ATM: variants seen among roughly 807,000 people sequenced by gnomAD.
ATM encodes the protein ATM serine/threonine kinase, also known as serine-protein kinase ATM.
In ATM, 308 loss-of-function variants were observed where a neutral mutation model predicts 387.0. That is an observed-to-expected ratio of 0.80 (90% CI 0.73 to 0.87). The LOEUF is 0.87. Among genes scored for constraint, ATM ranks in the 40% least tolerant of loss-of-function variants. ATM has a pLI of 0.00. For missense variants in ATM, 3,312 were observed against 3,560.9 expected (o/e 0.93, Z 1.78); for synonymous variants, 1,156 against 1,187.3 (o/e 0.97, Z 0.54).
At chr11:108,230,890 C>T (rs1212715185) in intron 4 of ATM, 1 of 152,136 alleles carries the variant, frequency 6.6e-6, no homozygotes. Context: ...TTAATAGAGA[C>T]AGGGTTTCAC....
intron 22 of ATM, among the ~76,000 whole-genome samples, chr11:108,278,384 G>T (rs1201392798): frequency 1.3e-5 from 2 of 152,144 alleles, no homozygotes; most frequent in African/African-American, 4.8e-5. Context: ...TGAATTGAAT[G>T]TAATAAGGCG....
chr11:108,316,686 G>C (rs1424472115), intron 42 of ATM, among the ~76,000 whole-genome samples: 1 of 145,132 alleles, frequency 6.9e-6, no homozygotes, highest in Admixed American at 7.3e-5. Flanking sequence ...GAGGCGAGCA[G>C]ATCACGAGGT....
chr11:108,367,456 C>T lies in ATM; in HGVS notation c.*1948C>T, dbSNP rs941757197. ...GGTAGAAGTGGAACATTTCTCTGTC[C>T]CCCAGCTGTCATCATATAAGATAAA... On this transcript the variant is annotated 3_prime_UTR_variant, in exon 63 of 63. Transcript: ENST00000675843. 15 of 201,672 alleles carry T rather than the reference C, an allele frequency of 7.4e-5. No homozygotes were observed. The East Asian group carries it at 1.2e-3, about 16-fold the overall frequency. The allele number at this position is 201,672 out of a possible 1,614,324, so 12.5% of individuals were successfully genotyped here. A position where few individuals can be genotyped will look rare whatever the true frequency, so the allele number is the denominator to read the frequency against.
chr11:108,281,289 A>G lies in ATM; in HGVS notation c.3576+121A>G, dbSNP rs2082219332. ...AGACTAGGAAACAATTTTATTTTTT[A>G]GGTTGGGAATATTGGAAAGCAGTTA... On this transcript the variant is annotated intron_variant, in intron 24 of 62. Coordinates refer to ENST00000675843, the MANE Select transcript of ATM (RefSeq NM_000051.4). 12 of 1,044,876 alleles carry G rather than the reference A, an allele frequency of 1.1e-5. 1 individual carries two copies. The South Asian group carries it at 1.4e-4, about 12-fold the overall frequency. The allele number at this position is 1,044,876 out of a possible 1,614,324, so 64.7% of individuals were successfully genotyped here.
chr11:108,294,328 A>G (rs191838520), intron 31 of ATM, among the ~76,000 whole-genome samples: 57 of 152,360 alleles, frequency 3.7e-4, no homozygotes, highest in African/African-American at 1.3e-3. Flanking sequence ...ATAAAAACAT[A>G]TTTAAGTATG....
At chr11:108,310,986 T>C (rs2084107722) in intron 39 of ATM, among the ~76,000 whole-genome samples, 1 of 152,206 alleles carries the variant, frequency 6.6e-6, no homozygotes, top group Admixed American at 6.5e-5. Context: ...TCGTTTGAAA[T>C]GGCCTGGGTC....
At chr11:108,364,297 T>G (rs910343418) in intron 61 of ATM, among the ~76,000 whole-genome samples, 6 of 152,230 alleles carry the variant, frequency 3.9e-5, no homozygotes, top group African/African-American at 1.4e-4. Context: ...CTAAGATTTG[T>G]AAGCATTTGC....
Position 108,365,517 on chromosome 11 carries a change from A to G in ATM, c.*9A>G, listed in dbSNP as rs1391467785. The G allele has an allele frequency of 3.7e-6, 6 of 1,613,718 alleles. No individual in the cohort carries two copies. The East Asian group carries it at 6.7e-5, about 18-fold the overall frequency. ...GGAAAGCTTGGGTGTGATCTTCAGT[A>G]TATGAATTACCCTTTCATTCAGCCT... On this transcript the variant is annotated 3_prime_UTR_variant, in exon 63 of 63. Transcript: ENST00000675843.
At chr11:108,277,232 T>C (rs900566916) in intron 22 of ATM, among the ~76,000 whole-genome samples, 5 of 152,124 alleles carry the variant, frequency 3.3e-5, no homozygotes, top group African/African-American at 9.7e-5. Context: ...AGCTTCAGTG[T>C]CCCAGGTCGA....
chr11:108,263,473 C>T (rs1401275767), intron 16 of ATM, among the ~76,000 whole-genome samples: 5 of 126,244 alleles, frequency 4.0e-5, no homozygotes, highest in East Asian at 2.3e-4. Context: ...ATCTCTGGGA[C>T]GCATTCAAAG....
At chr11:108,337,873 A>T (rs1476733748) in intron 56 of ATM, among the ~76,000 whole-genome samples, 1 of 152,262 alleles carries the variant, frequency 6.6e-6, no homozygotes, top group Non-Finnish European at 1.5e-5. Flanking sequence ...CTCAGAAAGT[A>T]GCTAAGATTT....
chr11:108,274,337 GGT>G (rs1491327823), intron 22 of ATM, among the ~76,000 whole-genome samples: 1 of 110,684 alleles, frequency 9.0e-6, no homozygotes, highest in African/African-American at 2.9e-5. Flanking sequence ...TTTTTTGAAA[GGT>G]TTTTTTTGTG....
chr11:108,244,640 T>A, intron 6 of ATM, 148 bp from the exon 7 acceptor site: 1 of 737,876 alleles, frequency 1.4e-6, no homozygotes, highest in Non-Finnish European at 2.3e-6. Context: ...GTGATTTTTT[T>A]TTTTAATGAA....
chr11:108,322,952 T>G (rs2085341162), intron 45 of ATM, among the ~76,000 whole-genome samples: 1 of 151,930 alleles, frequency 6.6e-6, no homozygotes, highest in South Asian at 2.1e-4. Flanking sequence ...AGTAAAGTGT[T>G]TTGGGTCCTC....
In ATM at chr11:108,350,182, A is replaced by G. The variant is rs568405678; in HGVS notation, c.8671+2817A>G. 3.1e-3 allele frequency among the ~76,000 whole-genome samples: 473 copies of G among 152,288 alleles called. 6 individuals are homozygous for G. The highest frequency in any genetic ancestry group is 0.011 in the African/African-American group (460 of 41,552). ...CAATCCTAAATTTGTAGTGGAGCCA[A>G]TAGGGTTGTTGTATGATTTTCCAGC... is the stretch of plus-strand genomic sequence containing the variant. On this transcript the variant is annotated intron_variant, in intron 59 of 62. Transcript: ENST00000675843.
chr11:108,317,559 C>G lies in ATM; in HGVS notation c.6347+38C>G, dbSNP rs2084800621. On this transcript the variant is annotated intron_variant, in intron 43 of 62. Coordinates refer to ENST00000675843, the MANE Select transcript of ATM (RefSeq NM_000051.4). ...ACTTGATTTTTTTTTTTTTGCCTCT[C>G]TCCTCATTCTAAACAACAACTGTTT... is the stretch of plus-strand genomic sequence containing the variant. 5.8e-6 allele frequency: 9 copies of G among 1,552,874 alleles called. No individual in the cohort carries two copies. Among genetic ancestry groups the G allele is most frequent in the South Asian group, 1.1e-5 (1 of 89,702 alleles).
rs1407907917 is a variant in ATM at position 108,326,088 on chromosome 11, CA to C, written c.6839del (p.Gln2280ArgfsTer30). 6.2e-7 allele frequency: 1 copy of C among 1,613,928 alleles called. No homozygotes were observed. Among genetic ancestry groups the C allele is most frequent in the Non-Finnish European group, 8.5e-7 (1 of 1,179,998 alleles). On this transcript the variant is annotated frameshift_variant, in exon 47 of 63. Transcript: ENST00000675843. LOFTEE classifies it high-confidence loss of function. ...TGAAAGGGCAATATTTCAAATTAAA[CA>C]GTACAATTCAGTTAGCTGTGGAGTC... ...LPERAIFQIK[Q>X]YNSVSCGVSE...
chr11:108,323,202 GACAT>G (rs1286468627), intron 45 of ATM, among the ~76,000 whole-genome samples: 1 of 152,168 alleles, frequency 6.6e-6, no homozygotes, highest in East Asian at 1.9e-4. Context: ...CATAGCAGAA[GACAT>G]ACATATTAAT....
intron 15 of ATM, among the ~76,000 whole-genome samples, chr11:108,257,979 C>T (rs1591548073): frequency 6.6e-6 from 1 of 152,180 alleles, no homozygotes; most frequent in Non-Finnish European, 1.5e-5. Context: ...TCACAGCAGC[C>T]TCGACCTCCT....
Sources: allele counts gnomAD v4.1 joint callset (sites outside exome capture counted in the v4.1 genomes callset), GRCh38; gene constraint gnomAD v4.1.1; transcripts MANE v1.5; gene names NCBI Gene and HGNC (gene_info 2026-07-23, HGNC 2026-07-21).